ABTB3: variants seen among roughly 807,000 people sequenced by gnomAD.
The protein encoded by ABTB3 is ankyrin repeat- and BTB/POZ domain-containing protein 3.
the ABTB3 span, among the ~76,000 whole-genome samples, chr12:107,581,585 G>T: frequency 1.3e-5 from 2 of 152,186 alleles, no homozygotes; most frequent in African/African-American, 4.8e-5. Flanking sequence ...TCTGCGCCTA[G>T]CTTCTCCCTC....
the ABTB3 span, among the ~76,000 whole-genome samples, chr12:107,324,432 C>G: frequency 6.1e-4 from 93 of 151,728 alleles, 3 homozygotes; most frequent in East Asian, 0.016. Flanking sequence ...AGTTTGAGAC[C>G]AGCTGAAGCA....
At chr12:107,396,654 T>C in the ABTB3 span, among the ~76,000 whole-genome samples, 1 of 151,556 alleles carries the variant, frequency 6.6e-6, no homozygotes, top group Non-Finnish European at 1.5e-5. Flanking sequence ...TTTTCAATAA[T>C]TAAAAATGCA....
the ABTB3 span, among the ~76,000 whole-genome samples, chr12:107,480,390 T>A: frequency 4.6e-5 from 7 of 152,114 alleles, no homozygotes; most frequent in Admixed American, 4.6e-4. Flanking sequence ...CAGAGGAATA[T>A]CAGGTGGAGA....
the ABTB3 span, among the ~76,000 whole-genome samples, chr12:107,579,734 C>T: frequency 2.0e-5 from 3 of 152,142 alleles, no homozygotes; most frequent in Non-Finnish European, 4.4e-5. Context: ...GCCCCAGGGC[C>T]GGGGGAGGCA....
At chr12:107,320,428 T>A in the ABTB3 span, among the ~76,000 whole-genome samples, 1 of 152,246 alleles carries the variant, frequency 6.6e-6, no homozygotes, top group Admixed American at 6.5e-5. Flanking sequence ...ACCCCTGCAC[T>A]GTTTGTTTTG....
At chr12:107,615,425 T>C in the ABTB3 span, among the ~76,000 whole-genome samples, 1 of 152,222 alleles carries the variant, frequency 6.6e-6, no homozygotes, top group Non-Finnish European at 1.5e-5. Context: ...TCCTGGTTGC[T>C]CTGGGGTGGG....
chr12:107,559,304 G>T, the ABTB3 span, among the ~76,000 whole-genome samples: 13 of 152,336 alleles, frequency 8.5e-5, no homozygotes, highest in East Asian at 2.1e-3. Context: ...GCCTCCCCAG[G>T]TTGTTGGCTT....
At chr12:107,612,401 C>T in the ABTB3 span, among the ~76,000 whole-genome samples, 8 of 152,174 alleles carry the variant, frequency 5.3e-5, no homozygotes, top group Non-Finnish European at 7.3e-5. Context: ...GAGAAAATGT[C>T]AGATAAATGG....
chr12:107,360,470 A>G, the ABTB3 span, among the ~76,000 whole-genome samples: 1 of 152,060 alleles, frequency 6.6e-6, no homozygotes. Context: ...CATTTCCTGA[A>G]TGTTTTCTCT....
At chr12:107,580,459 A>T in the ABTB3 span, among the ~76,000 whole-genome samples, 1 of 152,178 alleles carries the variant, frequency 6.6e-6, no homozygotes, top group Non-Finnish European at 1.5e-5. Context: ...CAGGCAGGGA[A>T]CTTGAGGCTC....
the ABTB3 span, among the ~76,000 whole-genome samples, chr12:107,452,454 C>T: frequency 5.9e-5 from 9 of 152,026 alleles, no homozygotes; most frequent in Non-Finnish European, 1.3e-4. Flanking sequence ...GATCCGCCTG[C>T]CTCGGCCTCC....
the ABTB3 span, among the ~76,000 whole-genome samples, chr12:107,354,402 A>ATCT: frequency 1.3e-5 from 2 of 152,058 alleles, no homozygotes; most frequent in East Asian, 1.9e-4. Flanking sequence ...CCTTTTGTCT[A>ATCT]TCTTCTCCCC....
chr12:107,539,846 G>C, the ABTB3 span, among the ~76,000 whole-genome samples: 1 of 152,182 alleles, frequency 6.6e-6, no homozygotes, highest in African/African-American at 2.4e-5. Context: ...GCTGAGATTT[G>C]AACTCTTTCC....
At chr12:107,341,456 G>A in the ABTB3 span, among the ~76,000 whole-genome samples, 67,395 of 152,022 alleles carry the variant, frequency 0.44, 18,495 homozygotes, top group African/African-American at 0.79. Context: ...AAGAAAGAGA[G>A]TGCAGGGTTC....
At chr12:107,440,736 G>T in the ABTB3 span, among the ~76,000 whole-genome samples, 1 of 152,132 alleles carries the variant, frequency 6.6e-6, no homozygotes, top group African/African-American at 2.4e-5. Context: ...AAGAAGGGAG[G>T]CAGGGAAATG....
the ABTB3 span, among the ~76,000 whole-genome samples, chr12:107,344,413 G>A: frequency 4.6e-5 from 7 of 152,204 alleles, no homozygotes; most frequent in East Asian, 3.8e-4. Context: ...AGTACTTATC[G>A]TAGCTAGTTA....
the ABTB3 span, among the ~76,000 whole-genome samples, chr12:107,441,159 G>A: frequency 7.2e-5 from 11 of 152,124 alleles, no homozygotes; most frequent in Non-Finnish European, 1.3e-4. Context: ...CCACACGCAC[G>A]CACATATTCA....
chr12:107,459,031 C>T, the ABTB3 span, among the ~76,000 whole-genome samples: 1 of 152,194 alleles, frequency 6.6e-6, no homozygotes, highest in Non-Finnish European at 1.5e-5. Flanking sequence ...AGTCTATTCT[C>T]AAGCTGCAAA....
the ABTB3 span, among the ~76,000 whole-genome samples, chr12:107,396,759 G>T: frequency 6.6e-6 from 1 of 152,116 alleles, no homozygotes. Flanking sequence ...CATTTTAGCT[G>T]CAGCCAAAAT....
Sources: gnomAD v4.1 joint callset for allele counts (sites outside exome capture counted in the v4.1 genomes callset) on GRCh38, gnomAD v4.1.1 for gene constraint, MANE v1.5 for transcripts, NCBI Gene and HGNC (gene_info 2026-07-23, HGNC 2026-07-21) for gene names.